Variants in MYO3A observed in about 807,000 individuals in gnomAD.
MYO3A encodes the protein myosin-IIIa.
MYO3A carries 180 observed loss-of-function variants against 192.7 expected under a neutral mutation model. The ratio of observed to expected loss-of-function variants is 0.93; its 90% confidence interval spans 0.83 to 1.06. The LOEUF (loss-of-function observed/expected upper bound fraction) is 1.06. Ranked by LOEUF, MYO3A falls within the 50% of genes least tolerant of loss-of-function variation. The pLI is 0.00. For synonymous variants in MYO3A, 628 were observed against 645.3 expected (o/e 0.97, Z 0.41); for missense variants, 1,896 against 1,905.0 (o/e 1.00, Z 0.09).
chr10:25,997,397 G>T (rs1182334168), intron 6 of MYO3A, 139 bp downstream of exon 6: 7 of 715,538 alleles, frequency 9.8e-6, no homozygotes, highest in Non-Finnish European at 1.7e-5. Context: ...GGTAAGAAGT[G>T]CAGAGATAAT....
At chr10:26,071,058 A>G (rs930584084) in intron 14 of MYO3A, among the ~76,000 whole-genome samples, 2 of 152,066 alleles carry the variant, frequency 1.3e-5, no homozygotes, top group African/African-American at 4.8e-5. Flanking sequence ...AGGTGACTCA[A>G]AAATATATAT....
chr10:25,990,650 A>G (rs1287953265), intron 4 of MYO3A, among the ~76,000 whole-genome samples: 1 of 126,964 alleles, frequency 7.9e-6, no homozygotes, highest in Non-Finnish European at 1.6e-5. Flanking sequence ...TCCTAAGGCT[A>G]CCCCTCCCCC....
chr10:25,991,560 T>A (rs1193673999), intron 4 of MYO3A, among the ~76,000 whole-genome samples: 2 of 152,148 alleles, frequency 1.3e-5, no homozygotes, highest in African/African-American at 4.8e-5. Context: ...GCCATTGCTT[T>A]TGGTGTTTTA....
intron 4 of MYO3A, among the ~76,000 whole-genome samples, chr10:25,958,357 C>G (rs1219213496): frequency 6.6e-6 from 1 of 152,208 alleles, no homozygotes; most frequent in Non-Finnish European, 1.5e-5. Flanking sequence ...AATCCTTTCC[C>G]CATTGGTTGT....
At chr10:26,172,750 C>T (rs992844325) in intron 29 of MYO3A, among the ~76,000 whole-genome samples, 2 of 152,264 alleles carry the variant, frequency 1.3e-5, no homozygotes. Flanking sequence ...TGCTATGCCT[C>T]CTGTACTAGC....
chr10:26,071,649 GA>G (rs925042766), intron 14 of MYO3A, among the ~76,000 whole-genome samples: 1 of 151,988 alleles, frequency 6.6e-6, no homozygotes, highest in African/African-American at 2.4e-5. Context: ...ACTTGTATAT[GA>G]AAAAAACTCA....
Position 26,037,104 on chromosome 10 carries a change from A to G in MYO3A, c.953+10572A>G, listed in dbSNP as rs559196759. 3.9e-4 allele frequency among the ~76,000 whole-genome samples: 60 copies of G among 152,326 alleles called. No individual in the cohort carries two copies. In the South Asian group the frequency reaches 0.012, roughly 31 times the overall value. ...GTTACAACCTGTTTATAAAATGAGG[A>G]CACCAATAACACCTATCTGGTAAAG... On this transcript the variant is annotated intron_variant, in intron 10 of 34. Coordinates refer to ENST00000642920, the MANE Select transcript of MYO3A (RefSeq NM_017433.5).
intron 18 of MYO3A, among the ~76,000 whole-genome samples, chr10:26,122,745 T>A (rs1371801862): frequency 6.6e-6 from 1 of 152,170 alleles, no homozygotes. Flanking sequence ...TCCTTTTCTC[T>A]TCCTGCTTAA....
At chr10:25,947,718 T>C (rs1200303130) in intron 2 of MYO3A, among the ~76,000 whole-genome samples, 2 of 152,116 alleles carry the variant, frequency 1.3e-5, no homozygotes, top group African/African-American at 2.4e-5. Context: ...CTTTGGAAAA[T>C]ATTTGATAAA....
chr10:26,153,821 G>A (rs1335805893), intron 23 of MYO3A, 29 bp from the exon 24 acceptor site: 4 of 1,380,718 alleles, frequency 2.9e-6, no homozygotes, highest in African/African-American at 1.4e-5. Context: ...ATTCTAAAAG[G>A]TATATTACAT....
At chr10:26,179,359 T>TC (rs1021660359) in intron 31 of MYO3A, among the ~76,000 whole-genome samples, 1 of 152,010 alleles carries the variant, frequency 6.6e-6, no homozygotes, top group African/African-American at 2.4e-5. Context: ...CACCTTTACC[T>TC]CCCAAAGTGC....
chr10:26,198,829 TTTCTC>T (rs1316345668), intron 32 of MYO3A, among the ~76,000 whole-genome samples: 2 of 152,190 alleles, frequency 1.3e-5, no homozygotes, highest in African/African-American at 4.8e-5. Context: ...CTTTCTTTCT[TTTCTC>T]TACTCTGGTT....
intron 31 of MYO3A, among the ~76,000 whole-genome samples, chr10:26,192,373 G>C (rs1295476893): frequency 6.6e-6 from 1 of 152,134 alleles, no homozygotes; most frequent in African/African-American, 2.4e-5. Flanking sequence ...CTGCAAATGA[G>C]CTGTCTCTTC....
At chr10:26,019,337 C>A (rs1315841390) in intron 7 of MYO3A, among the ~76,000 whole-genome samples, 3 of 152,128 alleles carry the variant, frequency 2.0e-5, no homozygotes, top group Admixed American at 2.0e-4. Flanking sequence ...CGGCTCACTG[C>A]AAGCTCCGCT....
intron 26 of MYO3A, among the ~76,000 whole-genome samples, chr10:26,164,646 A>G (rs867078704): frequency 1.8e-4 from 28 of 152,292 alleles, no homozygotes; most frequent in African/African-American, 5.5e-4. Flanking sequence ...TCAGGAATCC[A>G]CACATCCACA....
At chr10:26,163,715 A>T (rs1490567617) in intron 26 of MYO3A, among the ~76,000 whole-genome samples, 1 of 152,204 alleles carries the variant, frequency 6.6e-6, no homozygotes, top group African/African-American at 2.4e-5. Flanking sequence ...GTAGAGTAGG[A>T]AGTCATAAAT....
intron 17 of MYO3A, among the ~76,000 whole-genome samples, chr10:26,096,980 A>C (rs1016055276): frequency 1.3e-5 from 2 of 151,490 alleles, no homozygotes; most frequent in African/African-American, 2.4e-5. Flanking sequence ...TAAATATATA[A>C]ATTGCATGTT....
In MYO3A at chr10:26,173,743, G is replaced by A; in HGVS notation, c.3479G>A (p.Ser1160Asn). ...RFISAPNNKG[S>N]VSVVKTSTFK... ...ATTTCAGCTCCAAATAATAAAGGAA[G>A]TGTATCTGTAGTGAAGACTTCCACT... Residue 1160 changes from serine to asparagine, a missense_variant, in exon 30 of 35, where the codon AGT becomes AAT. Transcript: ENST00000642920. 6.2e-7 allele frequency: 1 copy of A among 1,614,070 alleles called. No individual in the cohort carries two copies. The highest frequency in any genetic ancestry group is 8.5e-7 in the Non-Finnish European group (1 of 1,179,952).
At chr10:26,206,249 CG>C (rs1412664762) in intron 34 of MYO3A, among the ~76,000 whole-genome samples, 1 of 150,678 alleles carries the variant, frequency 6.6e-6, no homozygotes, top group African/African-American at 2.4e-5. Flanking sequence ...TTGGTAGAGA[CG>C]GGGTTTCACC....
Sources: gnomAD v4.1 joint callset for allele counts (sites outside exome capture counted in the v4.1 genomes callset) on GRCh38, gnomAD v4.1.1 for gene constraint, MANE v1.5 for transcripts, NCBI Gene and HGNC (gene_info 2026-07-23, HGNC 2026-07-21) for gene names.